EPHA6: variants seen among roughly 807,000 people sequenced by gnomAD.
EPHA6 encodes the protein EPH receptor A6.
A neutral mutation model predicts 112.0 loss-of-function variants in EPHA6; 50 were observed. That is an observed-to-expected ratio of 0.45 (90% CI 0.36 to 0.56). The LOEUF is 0.56. Ranked by LOEUF, EPHA6 falls within the 20% of genes least tolerant of loss-of-function variation. EPHA6 has a pLI of 0.00. For synonymous variants in EPHA6, 529 were observed against 490.7 expected (o/e 1.08, Z -1.03); for missense variants, 1,280 against 1,417.4 (o/e 0.90, Z 1.56).
At chr3:97,676,677 G>C (rs1320387067) in intron 14 of EPHA6, among the ~76,000 whole-genome samples, 2 of 152,170 alleles carry the variant, frequency 1.3e-5, no homozygotes, top group Non-Finnish European at 2.9e-5. Context: ...CTTGAGTAGA[G>C]AAGAGAGACT....
intron 11 of EPHA6, among the ~76,000 whole-genome samples, chr3:97,589,102 A>G (rs1200268540): frequency 2.0e-5 from 3 of 151,834 alleles, no homozygotes; most frequent in Non-Finnish European, 4.4e-5. Flanking sequence ...GTGACCCAAC[A>G]CAAGTTCCTA....
intron 2 of EPHA6, among the ~76,000 whole-genome samples, chr3:96,870,751 A>C (rs1202558667): frequency 6.6e-6 from 1 of 152,106 alleles, no homozygotes. Flanking sequence ...GTAGAAAGAT[A>C]CTTTATTCCA....
At chr3:97,573,096 G>C (rs559429135) in intron 11 of EPHA6, among the ~76,000 whole-genome samples, 1 of 152,180 alleles carries the variant, frequency 6.6e-6, no homozygotes, top group African/African-American at 2.4e-5. Context: ...AAACAGTCAA[G>C]TTTCTTAGTA....
chr3:97,491,519 A>G (rs1469254701), intron 10 of EPHA6, among the ~76,000 whole-genome samples: 2 of 152,020 alleles, frequency 1.3e-5, no homozygotes, highest in Non-Finnish European at 2.9e-5. Flanking sequence ...CTCAGAGTTT[A>G]GGAAGTTCCT....
chr3:97,642,080 C>T (rs1007102876), intron 14 of EPHA6, among the ~76,000 whole-genome samples: 16 of 144,744 alleles, frequency 1.1e-4, no homozygotes, highest in Non-Finnish European at 2.4e-4. Context: ...TCCCAGCACG[C>T]AGCTGGAGAT....
rs2081756439 is a variant in EPHA6, at chr3:97,315,097, T to C, written c.1606+70810T>C. Among the ~76,000 whole-genome samples, 3 of 151,652 alleles carry C rather than the reference T, an allele frequency of 2.0e-5. No homozygotes were observed. In the South Asian group the frequency reaches 6.2e-4, roughly 31 times the overall value. On this transcript the variant is annotated intron_variant, in intron 5 of 17. Coordinates refer to ENST00000389672, the MANE Select transcript of EPHA6 (RefSeq NM_001080448.3). The stretch of plus-strand genomic sequence containing the variant: ...TATTTTAAGAAAAAAAAGTTCTCTC[T>C]GCAGAAGATTGCAAATATAGGGATA...
At chr3:97,193,971 G>A (rs1341312029) in intron 3 of EPHA6, among the ~76,000 whole-genome samples, 1 of 151,946 alleles carries the variant, frequency 6.6e-6, no homozygotes, top group Non-Finnish European at 1.5e-5. Context: ...GACCATCCTT[G>A]CATCCTGGGA....
chr3:96,904,138 C>T (rs964097855), intron 2 of EPHA6, among the ~76,000 whole-genome samples: 1 of 151,970 alleles, frequency 6.6e-6, no homozygotes, highest in African/African-American at 2.4e-5. Context: ...AATCATGCTG[C>T]TATGAAGACA....
chr3:96,862,565 T>G (rs927937383), intron 1 of EPHA6, among the ~76,000 whole-genome samples: 1 of 151,914 alleles, frequency 6.6e-6, no homozygotes, highest in Non-Finnish European at 1.5e-5. Context: ...GCTACTTTCT[T>G]AGTGGCTTGA....
chr3:97,254,246 T>A (rs2079233998), intron 5 of EPHA6, among the ~76,000 whole-genome samples: 1 of 152,176 alleles, frequency 6.6e-6, no homozygotes, highest in Non-Finnish European at 1.5e-5. Flanking sequence ...TGGAGTGCAG[T>A]GGCGCGATCT....
chr3:97,251,486 T>C (rs6801681), intron 5 of EPHA6, among the ~76,000 whole-genome samples: 31,296 of 151,562 alleles, frequency 0.21, 7,951 homozygotes, highest in African/African-American at 0.59. Context: ...GCTGAGATCG[T>C]CCCTCTGCAC....
At chr3:97,045,486 T>C (rs898076309) in intron 3 of EPHA6, among the ~76,000 whole-genome samples, 1 of 152,012 alleles carries the variant, frequency 6.6e-6, no homozygotes, top group Admixed American at 6.5e-5. Flanking sequence ...TCATTTTTTT[T>C]CTTTCCTTCC....
At chr3:97,368,292 A>G (rs2084853000) in intron 5 of EPHA6, among the ~76,000 whole-genome samples, 2 of 152,152 alleles carry the variant, frequency 1.3e-5, no homozygotes, top group African/African-American at 4.8e-5. Context: ...ATGAGAGACT[A>G]TGTCATTTCT....
intron 12 of EPHA6, among the ~76,000 whole-genome samples, chr3:97,598,989 T>C (rs2093619614): frequency 1.3e-5 from 2 of 151,972 alleles, no homozygotes; most frequent in African/African-American, 4.8e-5. Context: ...CTCATTGTGG[T>C]TTTGATTTGC....
At chr3:97,133,048 A>G (rs1663834154) in intron 3 of EPHA6, among the ~76,000 whole-genome samples, 1 of 152,080 alleles carries the variant, frequency 6.6e-6, no homozygotes, top group Non-Finnish European at 1.5e-5. Flanking sequence ...GAGTCCATAA[A>G]TGACAGAATG....
At chr3:97,145,907 A>T (rs1427736096) in intron 3 of EPHA6, among the ~76,000 whole-genome samples, 1 of 151,170 alleles carries the variant, frequency 6.6e-6, no homozygotes, top group African/African-American at 2.4e-5. Context: ...TCGCCAAAGT[A>T]TCTAGTATTC....
intron 14 of EPHA6, among the ~76,000 whole-genome samples, chr3:97,693,603 C>T (rs1279464799): frequency 1.3e-5 from 2 of 151,920 alleles, no homozygotes; most frequent in East Asian, 1.9e-4. Flanking sequence ...GTTGGGAGAT[C>T]GAGACCATCC....
intron 14 of EPHA6, among the ~76,000 whole-genome samples, chr3:97,686,245 G>T (rs989420140): frequency 6.6e-6 from 1 of 151,940 alleles, no homozygotes; most frequent in Non-Finnish European, 1.5e-5. Flanking sequence ...GAGATTAAAG[G>T]GTCAGCTATT....
chr3:96,822,117 A>G (rs908913713), intron 1 of EPHA6, among the ~76,000 whole-genome samples: 1 of 151,946 alleles, frequency 6.6e-6, no homozygotes, highest in Admixed American at 6.6e-5. Context: ...TATTCTACTT[A>G]ATTACATAAA....
Sources: allele counts gnomAD v4.1 joint callset (sites outside exome capture counted in the v4.1 genomes callset), GRCh38; gene constraint gnomAD v4.1.1; transcripts MANE v1.5; gene names NCBI Gene and HGNC (gene_info 2026-07-23, HGNC 2026-07-21).